The following ATP1A2 variants were observed in gnomAD, a reference collection of about 807,000 sequenced individuals.
The protein encoded by ATP1A2 is ATPase Na+/K+ transporting subunit alpha 2.
In ATP1A2, 56 loss-of-function variants were observed where a neutral mutation model predicts 113.1. The observed-to-expected ratio is 0.49, with a 90% confidence interval of 0.40 to 0.62. The LOEUF is 0.62. Among genes scored for constraint, ATP1A2 ranks in the 20% least tolerant of loss-of-function variants. ATP1A2 has a pLI of 0.00. For missense variants in ATP1A2, 712 were observed against 1,357.8 expected, an observed-to-expected ratio of 0.52 and a Z score of 7.47; for synonymous variants, 490 against 526.8, an observed-to-expected ratio of 0.93 and a Z score of 0.96.
chr1:160,130,723 A>G, intron 13 of ATP1A2, 126 bp downstream of exon 13: 3 of 1,355,814 alleles, frequency 2.2e-6, no homozygotes, highest in Non-Finnish European at 3.0e-6. Context: ...TCAGAGAAGA[A>G]GCTGTCCATC....
At chr1:160,137,399 T>C (rs1651988121) in intron 20 of ATP1A2, among the ~76,000 whole-genome samples, 2 of 152,196 alleles carry the variant, frequency 1.3e-5, no homozygotes. Context: ...GCACTTGCAC[T>C]GTGGTTCTGG....
intron 13 of ATP1A2, among the ~76,000 whole-genome samples, chr1:160,134,198 C>T (rs1651856370): frequency 1.4e-5 from 2 of 146,794 alleles, no homozygotes; most frequent in Non-Finnish European, 3.0e-5. Context: ...CACACACACA[C>T]ACAATCCCCA....
rs775979950 is a variant in ATP1A2 at position 160,127,603 on chromosome 1, G to A, written c.800G>A (p.Arg267His). The change falls in exon 8 of 23, where the codon CGC (arginine) becomes CAC (histidine). Residue 267 changes from arginine to histidine, a missense_variant. Arg to His is a conservative substitution (Grantham distance 29, BLOSUM62 0). This residue lies in a region of ATP1A2 where 99 missense variants were observed against 180.4 expected (regional missense o/e 0.55). Coordinates refer to ENST00000361216, the MANE Select transcript of ATP1A2 (RefSeq NM_000702.4). ...ACAGGAGACCGGACGGTGATGGGCC[G>A]CATAGCTACTCTCGCCTCAGGCCTG... ...IATGDRTVMG[R>H]IATLASGLEV... 4 of 1,614,134 alleles carry A rather than the reference G, an allele frequency of 2.5e-6. No homozygotes were observed. The highest frequency in any genetic ancestry group is 1.1e-5 in the South Asian group (1 of 91,088).
chr1:160,123,142 A>G, intron 3 of ATP1A2, 71 bp from the exon 4 acceptor site: 1 of 1,561,964 alleles, frequency 6.4e-7, no homozygotes, highest in South Asian at 1.1e-5. Context: ...CCGGGAGCTG[A>G]AGGGATGGGC....
At chr1:160,118,826 T>C (rs373132075) in intron 1 of ATP1A2, among the ~76,000 whole-genome samples, 6 of 152,238 alleles carry the variant, frequency 3.9e-5, no homozygotes, top group South Asian at 2.1e-4. Context: ...AGATGCTGAA[T>C]TGGCGACCTC....
intron 13 of ATP1A2, among the ~76,000 whole-genome samples, chr1:160,133,556 C>A (rs1651830507): frequency 6.6e-6 from 1 of 152,252 alleles, no homozygotes; most frequent in East Asian, 1.9e-4. Flanking sequence ...TAGGGACCAC[C>A]GTGCTCACCA....
Position 160,139,828 on chromosome 1 carries a change from TC to T in ATP1A2, c.2943-63del. The T allele has an allele frequency of 3.7e-6, 6 of 1,610,482 alleles. No individual in the cohort carries two copies. The Middle Eastern group carries it at 9.9e-4, about 266-fold the overall frequency. On this transcript the variant is annotated intron_variant, in intron 21 of 22. Coordinates refer to ENST00000361216, the MANE Select transcript of ATP1A2 (RefSeq NM_000702.4). ...TCCAAGTTCTGATCGCTTTGAATGC[TC>T]CTTTATGTGACAGCCACCAAGCCAA...
chr1:160,117,324 C>T (rs1651218109), intron 1 of ATP1A2, among the ~76,000 whole-genome samples: 1 of 152,098 alleles, frequency 6.6e-6, no homozygotes, highest in African/African-American at 2.4e-5. Context: ...CCCTCCATTT[C>T]CCCCATCCAA....
chr1:160,128,370 T>A (rs756723040), intron 8 of ATP1A2: 2 of 786,148 alleles, frequency 2.5e-6, no homozygotes, highest in East Asian at 6.4e-5. Context: ...CAGTGTCCCT[T>A]CTGTGTTGAT....
rs55843060 is a variant in ATP1A2 at position 160,142,008 on chromosome 1, G to A, written c.*686G>A. 18,697 of 154,568 alleles carry A rather than the reference G, an allele frequency of 0.12. 1,265 individuals are homozygous for A. Among genetic ancestry groups the A allele is most frequent in the Non-Finnish European group, 0.14 (9,647 of 69,394 alleles). The allele number at this position is 154,568 out of a possible 1,614,324, so 9.6% of individuals were successfully genotyped here. On this transcript the variant is annotated 3_prime_UTR_variant, in exon 23 of 23. Transcript: ENST00000361216. ...TGACATGAGTCTCCAGATAGATGTC[G>A]TGGACTCCAGCTCTACGTCCCACAT... is the stretch of plus-strand genomic sequence containing the variant.
At chr1:160,122,942 A>G (rs562010848) in intron 3 of ATP1A2, among the ~76,000 whole-genome samples, 10 of 152,172 alleles carry the variant, frequency 6.6e-5, no homozygotes, top group African/African-American at 2.4e-4. Context: ...TCCAGGGGAG[A>G]TGTTATGGCC....
chr1:160,138,777 G>A (rs1247393031), intron 20 of ATP1A2, among the ~76,000 whole-genome samples: 1 of 152,046 alleles, frequency 6.6e-6, no homozygotes, highest in African/African-American at 2.4e-5. Context: ...AGAGGTGGAG[G>A]TTACAGTGAG....
Position 160,141,796 on chromosome 1 carries a change from T to A in ATP1A2, c.*474T>A, listed in dbSNP as rs1652160553. 5.0e-6 allele frequency: 1 copy of A among 200,660 alleles called. No homozygotes were observed. The highest frequency in any genetic ancestry group is 5.1e-5 in the Admixed American group (1 of 19,562). The allele number at this position is 200,660 out of a possible 1,614,324, so 12.4% of individuals were successfully genotyped here. ...CTATCCCTGGCTTCCCCTTCAGACC[T>A]TGCAATCACAAAAGGTTCTTCTGGT... On this transcript the variant is annotated 3_prime_UTR_variant, in exon 23 of 23. Transcript: ENST00000361216.
At chr1:160,141,089 G>A (rs1372167628) in intron 22 of ATP1A2, among the ~76,000 whole-genome samples, 3 of 151,634 alleles carry the variant, frequency 2.0e-5, no homozygotes, top group African/African-American at 7.3e-5. Flanking sequence ...CTTGATCTCC[G>A]CCTGCCTCAG....
rs767882535 is a variant in ATP1A2, at chr1:160,143,275, T to C, written c.*1953T>C. 1 of 152,378 alleles carries C rather than the reference T, an allele frequency of 6.6e-6. No homozygotes were observed. Among genetic ancestry groups the C allele is most frequent in the Non-Finnish European group, 1.5e-5 (1 of 68,048 alleles). The allele number at this position is 152,378 out of a possible 1,614,324, so 9.4% of individuals were successfully genotyped here. A position where few individuals can be genotyped will look rare whatever the true frequency, so the allele number is the denominator to read the frequency against. Reference sequence around the variant, plus strand: ...GAGACAATATTAATTTGGATCCGATTAATTGGAGATTACTAACTGTGGACA... The same window carrying C: ...GAGACAATATTAATTTGGATCCGATCAATTGGAGATTACTAACTGTGGACA... On this transcript the variant is annotated 3_prime_UTR_variant, in exon 23 of 23. Coordinates refer to ENST00000361216, the MANE Select transcript of ATP1A2 (RefSeq NM_000702.4).
chr1:160,139,345 C>T (rs1485775576), intron 20 of ATP1A2, among the ~76,000 whole-genome samples: 1 of 151,846 alleles, frequency 6.6e-6, no homozygotes, highest in Non-Finnish European at 1.5e-5. Flanking sequence ...TGAGACAGGC[C>T]CCATGTTGAC....
intron 22 of ATP1A2, chr1:160,140,198 A>G (rs1302512954): frequency 1.7e-6 from 1 of 586,728 alleles, no homozygotes; most frequent in Non-Finnish European, 3.1e-6. Flanking sequence ...CCTAACTCAC[A>G]GTTGGTCTCC....
intron 13 of ATP1A2, among the ~76,000 whole-genome samples, 154 bp downstream of exon 13, chr1:160,130,751 C>T (rs979934265): frequency 3.3e-5 from 5 of 152,228 alleles, no homozygotes; most frequent in African/African-American, 9.7e-5. Context: ...AAAGGCCCAC[C>T]CCTGCCTTGG....
chr1:160,129,158 T>C, intron 10 of ATP1A2, 69 bp downstream of exon 10: 1 of 1,608,270 alleles, frequency 6.2e-7, no homozygotes, highest in Non-Finnish European at 8.5e-7. Flanking sequence ...GGCCCCAGCT[T>C]TCCTTCTCAC....
Sources: allele counts gnomAD v4.1 joint callset (sites outside exome capture counted in the v4.1 genomes callset), GRCh38; gene constraint gnomAD v4.1.1; regional missense constraint gnomAD v4.1.1; transcripts MANE v1.5; gene names NCBI Gene and HGNC (gene_info 2026-07-23, HGNC 2026-07-21).